The following EPHA3 variants were observed in gnomAD, a reference collection of about 807,000 sequenced individuals.
EPHA3 encodes the protein ephrin type-A receptor 3.
Under a neutral mutation model 107.1 loss-of-function variants are expected in EPHA3, and 42 were observed. The observed-to-expected ratio is 0.39, with a 90% CI of 0.31 to 0.51. EPHA3 has a LOEUF of 0.51. Among genes scored for constraint, EPHA3 ranks in the 20% least tolerant of loss-of-function variants. The pLI, the probability that EPHA3 is intolerant of heterozygous loss-of-function variation, is 0.78. For synonymous variants in EPHA3, 461 were observed against 424.8 expected, an observed-to-expected ratio of 1.09 and a Z score of -1.05; for missense variants, 1,183 against 1,211.2, an observed-to-expected ratio of 0.98 and a Z score of 0.35.
At chr3:89,301,430 A>C (rs1706486054) in intron 3 of EPHA3, among the ~76,000 whole-genome samples, 1 of 152,080 alleles carries the variant, frequency 6.6e-6, no homozygotes, top group African/African-American at 2.4e-5. Flanking sequence ...TCTGAGACTA[A>C]ACAGAGACTA....
chr3:89,247,573 A>C (rs1299925391), intron 3 of EPHA3, among the ~76,000 whole-genome samples: 1 of 152,204 alleles, frequency 6.6e-6, no homozygotes, highest in African/African-American at 2.4e-5. Flanking sequence ...AGAACCCAAA[A>C]GTACATAGGA....
At chr3:89,181,748 C>T (rs1443592388) in intron 2 of EPHA3, among the ~76,000 whole-genome samples, 1 of 151,966 alleles carries the variant, frequency 6.6e-6, no homozygotes, top group African/African-American at 2.4e-5. Flanking sequence ...AAGATTGTGG[C>T]AGCAGATCGT....
At position 89,399,360 on chromosome 3, in the gene EPHA3, A is replaced by G. The variant is rs766652795; in HGVS notation, c.1474A>G (p.Thr492Ala). ...TSYTILRARGTNVTISSLKPD... is the reference protein window; with the variant it reads ...TSYTILRARGANVTISSLKPD... ...TTATACCATTCTGAGGGCAAGAGGC[A>G]CAAATGTTACCATCAGTAGCCTCAA... The change falls in exon 7 of 17, where the codon ACA (threonine) becomes GCA (alanine). Residue 492 changes from threonine (T) to alanine (A), a missense_variant. Thr to Ala is a moderately conservative substitution (Grantham distance 58). Transcript: ENST00000336596. The G allele has an allele frequency of 6.2e-7, 1 of 1,613,946 alleles. No individual in the cohort carries two copies. The highest frequency in any genetic ancestry group is 8.5e-7 in the Non-Finnish European group (1 of 1,179,872).
chr3:89,119,550 G>T (rs764006173), intron 1 of EPHA3, among the ~76,000 whole-genome samples: 1 of 152,018 alleles, frequency 6.6e-6, no homozygotes, highest in Admixed American at 6.6e-5. Flanking sequence ...GAGTTTGTTC[G>T]TGTGTGTGTG....
intron 13 of EPHA3, among the ~76,000 whole-genome samples, chr3:89,435,931 G>C (rs1288229960): frequency 6.7e-6 from 1 of 149,832 alleles, no homozygotes; most frequent in Non-Finnish European, 1.5e-5. Context: ...CTAGCCTGGG[G>C]GACAGAGTGA....
At chr3:89,122,314 T>A (rs1194502206) in intron 1 of EPHA3, among the ~76,000 whole-genome samples, 1 of 152,218 alleles carries the variant, frequency 6.6e-6, no homozygotes, top group Non-Finnish European at 1.5e-5. Flanking sequence ...TTGTAGTGGT[T>A]TTATAGTTAT....
intron 13 of EPHA3, among the ~76,000 whole-genome samples, chr3:89,432,497 C>T (rs1452735641): frequency 7.2e-5 from 11 of 152,018 alleles, no homozygotes; most frequent in South Asian, 4.1e-4. Flanking sequence ...GTGATTCTCC[C>T]GGGCTCAAGT....
chr3:89,458,104 G>A (rs80290903), intron 15 of EPHA3, among the ~76,000 whole-genome samples: 1 of 152,294 alleles, frequency 6.6e-6, no homozygotes, highest in East Asian at 1.9e-4. Flanking sequence ...TGTTTCCATT[G>A]TATGTAACAA....
chr3:89,107,861 G>C (rs773391629), intron 1 of EPHA3, 25 bp downstream of exon 1: 2 of 1,608,976 alleles, frequency 1.2e-6, no homozygotes, highest in Non-Finnish European at 1.7e-6. Context: ...GCGACGCACG[G>C]AGCTCTGCCC....
At chr3:89,232,305 T>C (rs1378775565) in intron 3 of EPHA3, among the ~76,000 whole-genome samples, 1 of 152,078 alleles carries the variant, frequency 6.6e-6, no homozygotes, top group East Asian at 1.9e-4. Context: ...CTGGCCAGGC[T>C]GATAGATTAG....
chr3:89,177,435 G>T (rs1425109937), intron 2 of EPHA3, among the ~76,000 whole-genome samples: 1 of 152,120 alleles, frequency 6.6e-6, no homozygotes, highest in Non-Finnish European at 1.5e-5. Flanking sequence ...TCATACATCT[G>T]CCTTCTCTCT....
At chr3:89,404,756 A>G (rs184258741) in intron 7 of EPHA3, among the ~76,000 whole-genome samples, 32 of 152,280 alleles carry the variant, frequency 2.1e-4, no homozygotes, top group African/African-American at 7.5e-4. Flanking sequence ...TTTCAACAGA[A>G]AAAGAAATAG....
rs1189884294 is a variant in EPHA3, at chr3:89,203,260, G to GT, written c.154-6590dup. Among the ~76,000 whole-genome samples the GT allele has an allele frequency of 5.7e-3, 773 of 135,448 alleles. 4 individuals carry two copies. Among genetic ancestry groups the GT allele is most frequent in the African/African-American group, 0.013 (467 of 36,436 alleles). 88.9% of individuals were successfully genotyped at this position (135,448 alleles called of 152,430 possible). On this transcript the variant is annotated intron_variant, in intron 2 of 16. Transcript: ENST00000336596. The stretch of plus-strand genomic sequence containing the variant: ...TTTTGGTTTTGTTTTTGTTGTTGTT[G>GT]TTTTTTTTTTATCTGGGAAGCAGTA...
intron 2 of EPHA3, among the ~76,000 whole-genome samples, chr3:89,204,058 T>A (rs1393751170): frequency 1.3e-5 from 2 of 152,194 alleles, no homozygotes; most frequent in African/African-American, 4.8e-5. Flanking sequence ...TGCCCAATAT[T>A]GGTGAGAATT....
At chr3:89,338,788 T>A (rs1707451591) in intron 3 of EPHA3, among the ~76,000 whole-genome samples, 1 of 152,078 alleles carries the variant, frequency 6.6e-6, no homozygotes, top group South Asian at 2.1e-4. Flanking sequence ...ACTTTTATGG[T>A]TTTTACAACA....
chr3:89,443,657 G>A (rs1010898249), intron 13 of EPHA3, among the ~76,000 whole-genome samples: 38 of 152,174 alleles, frequency 2.5e-4, no homozygotes, highest in African/African-American at 8.9e-4. Context: ...ACAGAACAAC[G>A]TGCTTTTTTG....
intron 6 of EPHA3, 108 bp from the exon 7 acceptor site, chr3:89,399,210 A>G: frequency 9.8e-7 from 1 of 1,023,952 alleles, no homozygotes; most frequent in South Asian, 2.2e-5. Context: ...CCATCCTATG[A>G]TTTGTGTTAA....
chr3:89,267,162 G>T (rs1191601362), intron 3 of EPHA3, among the ~76,000 whole-genome samples: 3 of 152,052 alleles, frequency 2.0e-5, no homozygotes, highest in Non-Finnish European at 4.4e-5. Flanking sequence ...AACAGAAGGT[G>T]AGTGAAAACA....
intron 3 of EPHA3, among the ~76,000 whole-genome samples, chr3:89,256,955 A>AT (rs1015808642): frequency 2.6e-5 from 4 of 152,186 alleles, no homozygotes; most frequent in African/African-American, 9.7e-5. Flanking sequence ...ATCTAATGGT[A>AT]TTTTTTTGCT....
Sources: gnomAD v4.1 joint callset for allele counts (sites outside exome capture counted in the v4.1 genomes callset) on GRCh38, gnomAD v4.1.1 for gene constraint, MANE v1.5 for transcripts, NCBI Gene and HGNC (gene_info 2026-07-23, HGNC 2026-07-21) for gene names.